Variants in VPS13B observed in about 807,000 individuals in gnomAD.
VPS13B encodes the protein intermembrane lipid transfer protein VPS13B.
In VPS13B, 285 loss-of-function variants were observed where a neutral mutation model predicts 426.4. The observed-to-expected ratio is 0.67, with a 90% CI of 0.61 to 0.74. The LOEUF is 0.74. Ranked by LOEUF, VPS13B falls within the 30% of genes least tolerant of loss-of-function variation. VPS13B has a pLI of 0.00. For synonymous variants in VPS13B, 1,676 were observed against 1,676.4 expected, an observed-to-expected ratio of 1.00 and a Z score of 0.01; for missense variants, 4,537 against 4,782.6, an observed-to-expected ratio of 0.95 and a Z score of 1.51.
chr8:99,362,181 C>T (rs1812603767), intron 19 of VPS13B, among the ~76,000 whole-genome samples: 3 of 129,310 alleles, frequency 2.3e-5, no homozygotes, highest in Admixed American at 9.5e-5. Flanking sequence ...CTCGCTCTGT[C>T]GCCCAGGCTG....
Position 99,819,473 on chromosome 8 carries a change from G to T in VPS13B, c.8683G>T (p.Ala2895Ser). The T allele has an allele frequency of 6.2e-7, 1 of 1,613,788 alleles. No homozygotes were observed. The highest frequency in any genetic ancestry group is 8.5e-7 in the Non-Finnish European group (1 of 1,179,834). ...CTCAACATCCCTCATTAAGCAAATAGCCACTAAGGTACACCCTGGAGGCAC... is the reference window on the plus strand; with the variant it reads ...CTCAACATCCCTCATTAAGCAAATATCCACTAAGGTACACCCTGGAGGCAC... ...PISTSLIKQI[A>S]TKVHPGGTVN... The change falls in exon 48 of 62, where the codon GCC becomes TCC. Residue 2895 changes from alanine (A) to serine (S), a missense_variant. Around this residue, in one of 2 missense-constraint regions of VPS13B, gnomAD observed 4,311 missense variants for 4,474.3 expected, o/e 0.96. Transcript: ENST00000357162.
chr8:99,729,489 A>G (rs1426874024), intron 39 of VPS13B, among the ~76,000 whole-genome samples: 1 of 152,224 alleles, frequency 6.6e-6, no homozygotes, highest in Non-Finnish European at 1.5e-5. Flanking sequence ...GACACACATG[A>G]GATAGTTTCT....
At chr8:99,233,372 A>AGATC in intron 17 of VPS13B, 2 of 1,070,382 alleles carry the variant, frequency 1.9e-6, no homozygotes, top group Non-Finnish European at 2.9e-6. Flanking sequence ...AGTTTCCCGA[A>AGATC]GATCCGTCCC....
intron 33 of VPS13B, among the ~76,000 whole-genome samples, chr8:99,588,760 C>A (rs962071225): frequency 2.0e-5 from 3 of 151,724 alleles, no homozygotes; most frequent in Non-Finnish European, 4.4e-5. Flanking sequence ...CATCTGCAAA[C>A]AGGGACAATT....
intron 30 of VPS13B, among the ~76,000 whole-genome samples, chr8:99,524,154 T>C (rs1377343724): frequency 1.3e-5 from 2 of 151,810 alleles, no homozygotes; most frequent in Non-Finnish European, 2.9e-5. Context: ...AAGAAAGAAT[T>C]AGTAAGCTTG....
At chr8:99,311,989 T>A (rs994703880) in intron 19 of VPS13B, among the ~76,000 whole-genome samples, 6 of 152,194 alleles carry the variant, frequency 3.9e-5, no homozygotes, top group African/African-American at 1.4e-4. Context: ...AGGCTAGGAT[T>A]TCAACCCCTG....
At chr8:99,553,559 C>T (rs1248538017) in intron 30 of VPS13B, among the ~76,000 whole-genome samples, 1 of 151,962 alleles carries the variant, frequency 6.6e-6, no homozygotes, top group South Asian at 2.1e-4. Context: ...AATAGTTTTT[C>T]AATTACACAT....
chr8:99,209,740 A>G, intron 17 of VPS13B: 1 of 975,010 alleles, frequency 1.0e-6, no homozygotes, highest in Non-Finnish European at 1.2e-6. Flanking sequence ...CATGTAATAC[A>G]TAATTGTATA....
At chr8:99,249,450 G>A (rs1218275951) in intron 17 of VPS13B, among the ~76,000 whole-genome samples, 1 of 146,776 alleles carries the variant, frequency 6.8e-6, no homozygotes, top group African/African-American at 2.5e-5. Flanking sequence ...TTTTTGAGAT[G>A]GAGTCTTGCT....
intron 15 of VPS13B, among the ~76,000 whole-genome samples, chr8:99,163,859 G>C (rs1422669506): frequency 6.6e-6 from 1 of 152,220 alleles, no homozygotes; most frequent in Non-Finnish European, 1.5e-5. Flanking sequence ...AGTGCAGTGG[G>C]GGCTGAAGGG....
intron 17 of VPS13B, among the ~76,000 whole-genome samples, chr8:99,227,500 A>G (rs1334808298): frequency 6.6e-6 from 1 of 152,128 alleles, no homozygotes; most frequent in Non-Finnish European, 1.5e-5. Flanking sequence ...TTCCATATTA[A>G]CATTTTTGCT....
intron 3 of VPS13B, among the ~76,000 whole-genome samples, chr8:99,068,809 G>T (rs1423297442): frequency 1.3e-5 from 2 of 152,058 alleles, no homozygotes; most frequent in African/African-American, 4.8e-5. Flanking sequence ...CTGTGATCCA[G>T]TCACCTCCCA....
chr8:99,547,693 C>G (rs1172805557), intron 30 of VPS13B, among the ~76,000 whole-genome samples: 1 of 152,104 alleles, frequency 6.6e-6, no homozygotes, highest in African/African-American at 2.4e-5. Context: ...TATCGACCAA[C>G]TATTGCAGAC....
intron 12 of VPS13B, among the ~76,000 whole-genome samples, chr8:99,142,417 TGAG>T (rs899355148): frequency 7.4e-4 from 112 of 152,272 alleles, no homozygotes; most frequent in African/African-American, 2.6e-3. Context: ...AAACAGTGTA[TGAG>T]GAGATGAGGA....
chr8:99,069,902 A>G (rs1844767248), intron 3 of VPS13B, among the ~76,000 whole-genome samples: 1 of 152,176 alleles, frequency 6.6e-6, no homozygotes, highest in African/African-American at 2.4e-5. Flanking sequence ...AAAAGTTTTA[A>G]AGTTTTTAAA....
intron 35 of VPS13B, 104 bp downstream of exon 35, chr8:99,661,595 A>AC: frequency 1.4e-6 from 2 of 1,415,934 alleles, no homozygotes; most frequent in Non-Finnish European, 1.9e-6. Flanking sequence ...CAAAAAATGA[A>AC]TAGTTCATTT....
At chr8:99,771,785 T>C (rs907048978) in intron 40 of VPS13B, among the ~76,000 whole-genome samples, 1 of 152,230 alleles carries the variant, frequency 6.6e-6, no homozygotes, top group African/African-American at 2.4e-5. Flanking sequence ...ATCTAGATTT[T>C]TGGGTAATTC....
chr8:99,874,531 G>A (rs970571562), intron 61 of VPS13B, among the ~76,000 whole-genome samples: 2 of 151,990 alleles, frequency 1.3e-5, no homozygotes, highest in South Asian at 4.2e-4. Flanking sequence ...ACTTCTTCCA[G>A]AGTAGTCTTG....
At chr8:99,872,814 G>A (rs576081372) in intron 61 of VPS13B, among the ~76,000 whole-genome samples, 6 of 151,400 alleles carry the variant, frequency 4.0e-5, no homozygotes, top group East Asian at 1.9e-4. Context: ...GGATGGGGGC[G>A]TGTATCTCCT....
Sources: allele counts gnomAD v4.1 joint callset (sites outside exome capture counted in the v4.1 genomes callset), GRCh38; gene constraint gnomAD v4.1.1; regional missense constraint gnomAD v4.1.1; transcripts MANE v1.5; gene names NCBI Gene and HGNC (gene_info 2026-07-23, HGNC 2026-07-21).